The following ACVR1B variants were observed in gnomAD, a reference collection of about 807,000 sequenced individuals.
The protein encoded by ACVR1B is activin A receptor type 1B.
Under a neutral mutation model 55.6 loss-of-function variants are expected in ACVR1B, and 15 were observed. The ratio of observed to expected loss-of-function variants is 0.27; its 90% confidence interval spans 0.18 to 0.42. The LOEUF is 0.42. ACVR1B is among the 10% of genes least tolerant of loss of function. The pLI is 1.00. For missense variants in ACVR1B, 359 were observed against 670.1 expected, an observed-to-expected ratio of 0.54 and a Z score of 5.13; for synonymous variants, 247 against 254.6, an observed-to-expected ratio of 0.97 and a Z score of 0.28.
At chr12:51,964,660 C>T (rs1251355165) in intron 1 of ACVR1B, among the ~76,000 whole-genome samples, 1 of 152,218 alleles carries the variant, frequency 6.6e-6, no homozygotes, top group Non-Finnish European at 1.5e-5. Flanking sequence ...AGGTAAGGGT[C>T]TGACTTCATT....
At chr12:51,973,958 A>G (rs540688941) in intron 1 of ACVR1B, among the ~76,000 whole-genome samples, 1 of 152,358 alleles carries the variant, frequency 6.6e-6, no homozygotes, top group East Asian at 1.9e-4. Flanking sequence ...GGATTTGAAA[A>G]GCCAAGAGAT....
At position 51,972,755 on chromosome 12, in the gene ACVR1B, G is replaced by A. The variant is rs812798; in HGVS notation, c.92-2510G>A. Among the ~76,000 whole-genome samples the A allele has an allele frequency of 1.0e-3, 156 of 152,298 alleles. 1 individual carries two copies. The highest frequency in any genetic ancestry group is 3.6e-3 in the African/African-American group (151 of 41,554). On this transcript the variant is annotated intron_variant, in intron 1 of 8. Coordinates refer to ENST00000257963, the MANE Select transcript of ACVR1B (RefSeq NM_004302.5). ...TTCAGGGGTATGGGCAGCGGTGGTA[G>A]TTATCTTTAAAATATATCTTTTTCA... is the stretch of plus-strand genomic sequence containing the variant.
At chr12:51,990,122 C>T (rs968830261) in intron 7 of ACVR1B, among the ~76,000 whole-genome samples, 2 of 151,554 alleles carry the variant, frequency 1.3e-5, no homozygotes, top group East Asian at 2.0e-4. Context: ...GGTGAAACCC[C>T]GAATCTACTA....
In ACVR1B at chr12:51,961,671, G is replaced by A. The variant is rs887286085; in HGVS notation, c.91+9837G>A. 2.0e-4 allele frequency among the ~76,000 whole-genome samples: 30 copies of A among 151,954 alleles called. 1 individual carries two copies. The highest frequency in any genetic ancestry group is 7.0e-4 in the African/African-American group (29 of 41,332). On this transcript the variant is annotated intron_variant, in intron 1 of 8. Coordinates refer to ENST00000257963, the MANE Select transcript of ACVR1B (RefSeq NM_004302.5). ...GACATACACGGTCTCCTCTCCATTC[G>A]TCCATACTATAATAAATAGGTCAGG... is the stretch of plus-strand genomic sequence containing the variant.
chr12:51,978,688 G>A (rs1226376178), intron 3 of ACVR1B, among the ~76,000 whole-genome samples: 5 of 12,224 alleles, frequency 4.1e-4, no homozygotes, highest in South Asian at 6.1e-3. Flanking sequence ...AAAATTAGCC[G>A]GGCGTGGTGG....
chr12:51,990,736 C>T (rs1208772815), intron 7 of ACVR1B, among the ~76,000 whole-genome samples: 2 of 152,196 alleles, frequency 1.3e-5, no homozygotes, highest in African/African-American at 4.8e-5. Flanking sequence ...GATGAATACA[C>T]CTCCTACATT....
In ACVR1B at chr12:51,994,245, A is replaced by G; in HGVS notation, c.*135A>G. 1.6e-6 allele frequency: 2 copies of G among 1,255,100 alleles called. No homozygotes were observed. Among genetic ancestry groups the G allele is most frequent in the South Asian group, 1.4e-5 (1 of 69,860 alleles). The allele number at this position is 1,255,100 out of a possible 1,614,324, so 77.7% of individuals were successfully genotyped here. ...AGGAGCCCTGGCCCGCAAGAGGGAC[A>G]GAGCCCGGGAGAGACTCGCTCACTC... On this transcript the variant is annotated 3_prime_UTR_variant, in exon 9 of 9. Transcript: ENST00000257963. This position sits in a 1 kb window ranked among gnomAD's most constrained non-coding sequence, Gnocchi z 4.2.
intron 7 of ACVR1B, among the ~76,000 whole-genome samples, chr12:51,988,937 G>A (rs1249656861): frequency 6.6e-6 from 1 of 152,102 alleles, no homozygotes; most frequent in Non-Finnish European, 1.5e-5. Flanking sequence ...GGGCTACATG[G>A]TGAAACTCTA....
intron 1 of ACVR1B, chr12:51,960,249 G>A (rs1941492668): frequency 6.6e-6 from 1 of 152,152 alleles, no homozygotes; most frequent in African/African-American, 2.4e-5. Context: ...GTGAGACCTC[G>A]TCTCTACAAA....
At chr12:51,971,558 A>AG (rs1402134886) in intron 1 of ACVR1B, among the ~76,000 whole-genome samples, 1 of 152,206 alleles carries the variant, frequency 6.6e-6, no homozygotes, top group Non-Finnish European at 1.5e-5. Flanking sequence ...ACAGATTCTA[A>AG]GGGGCTGTTA....
intron 1 of ACVR1B, among the ~76,000 whole-genome samples, chr12:51,974,538 T>A (rs1276752374): frequency 6.6e-6 from 1 of 152,146 alleles, no homozygotes; most frequent in Admixed American, 6.5e-5. Context: ...CGCACACTCA[T>A]GCGTGAATGC....
intron 1 of ACVR1B, among the ~76,000 whole-genome samples, chr12:51,970,339 T>C (rs1278167559): frequency 6.6e-6 from 1 of 152,164 alleles, no homozygotes; most frequent in Admixed American, 6.5e-5. Flanking sequence ...TTTACTGGTT[T>C]ACCGCTTGTG....
At chr12:51,961,323 A>G (rs1941522334) in intron 1 of ACVR1B, among the ~76,000 whole-genome samples, 1 of 152,140 alleles carries the variant, frequency 6.6e-6, no homozygotes, top group Non-Finnish European at 1.5e-5. Flanking sequence ...TTTCTTTTCC[A>G]TCCTCTCAGT....
At chr12:51,959,618 T>C (rs1325054812) in intron 1 of ACVR1B, among the ~76,000 whole-genome samples, 5 of 152,150 alleles carry the variant, frequency 3.3e-5, no homozygotes, top group Admixed American at 3.3e-4. Context: ...AAAAAATGTA[T>C]GCATTGGGTG....
intron 1 of ACVR1B, among the ~76,000 whole-genome samples, chr12:51,955,611 ATTG>A (rs1252887395): frequency 6.6e-6 from 1 of 152,196 alleles, no homozygotes; most frequent in Non-Finnish European, 1.5e-5. Context: ...TGAAATCTCT[ATTG>A]TTTACTGTTC....
At chr12:51,961,393 A>G (rs971068011) in intron 1 of ACVR1B, among the ~76,000 whole-genome samples, 2 of 152,204 alleles carry the variant, frequency 1.3e-5, no homozygotes, top group Admixed American at 6.6e-5. Flanking sequence ...AATCTTGTAT[A>G]TATAGTATTT....
At chr12:51,961,765 CAAAGA>C (rs1447169714) in intron 1 of ACVR1B, among the ~76,000 whole-genome samples, 1 of 152,210 alleles carries the variant, frequency 6.6e-6, no homozygotes, top group East Asian at 1.9e-4. Context: ...TCAGACTCAA[CAAAGA>C]AAACAGTGGT....
Position 51,975,189 on chromosome 12 carries a change from T to C in ACVR1B, c.92-76T>C, listed in dbSNP as rs774671206. ...TGGAACATCAAGTATGCTAAGGGAT[T>C]ATATTCTAAGTTTGGAAAAGGACCT... On this transcript the variant is annotated intron_variant, in intron 1 of 8. Coordinates refer to ENST00000257963, the MANE Select transcript of ACVR1B (RefSeq NM_004302.5). The C allele has an allele frequency of 1.1e-5, 17 of 1,551,266 alleles. No homozygotes were observed. In the Admixed American group the frequency reaches 1.3e-4, roughly 11 times the overall value.
chr12:51,983,068 C>T (rs1378482158), intron 4 of ACVR1B, among the ~76,000 whole-genome samples: 1 of 152,158 alleles, frequency 6.6e-6, no homozygotes, highest in East Asian at 1.9e-4. Flanking sequence ...TCAAAACCCA[C>T]CTTAAGGCCA....
Sources: gnomAD v4.1 joint callset for allele counts (sites outside exome capture counted in the v4.1 genomes callset) on GRCh38, gnomAD v4.1.1 for gene constraint, Gnocchi (gnomAD v3.1) non-coding constraint, MANE v1.5 for transcripts, NCBI Gene and HGNC (gene_info 2026-07-23, HGNC 2026-07-21) for gene names.